The following TMEM30A variants were observed in gnomAD, a reference collection of about 807,000 sequenced individuals.
The protein encoded by TMEM30A is cell division cycle 50 P4-ATPase accessory subunit A.
Under a neutral mutation model 38.2 loss-of-function variants are expected in TMEM30A, and 24 were observed. The ratio of observed to expected loss-of-function variants is 0.63; its 90% CI spans 0.46 to 0.88. The LOEUF (loss-of-function observed/expected upper bound fraction) is 0.88, where lower values mean the gene tolerates loss of function less well. TMEM30A is among the 40% of genes least tolerant of loss of function. The pLI is 0.00. For missense variants in TMEM30A, 370 were observed against 458.6 expected, an observed-to-expected ratio of 0.81 and a Z score of 1.77; for synonymous variants, 145 against 161.6, an observed-to-expected ratio of 0.90 and a Z score of 0.78.
chr6:75,273,764 G>A (rs1008365466), intron 1 of TMEM30A, among the ~76,000 whole-genome samples: 1 of 152,178 alleles, frequency 6.6e-6, no homozygotes, highest in Non-Finnish European at 1.5e-5. Flanking sequence ...GGATATCACA[G>A]TTATACAAGT....
At chr6:75,269,463 A>G (rs1451512034) in intron 1 of TMEM30A, among the ~76,000 whole-genome samples, 1 of 152,120 alleles carries the variant, frequency 6.6e-6, no homozygotes, top group Non-Finnish European at 1.5e-5. Flanking sequence ...ATGTCTTTTC[A>G]TGGGTTCATA....
intron 1 of TMEM30A, chr6:75,272,690 T>A (rs1415334256): frequency 1.3e-5 from 2 of 152,262 alleles, no homozygotes; most frequent in East Asian, 3.9e-4. Flanking sequence ...GTCCTCTGTC[T>A]CTATGCTGAC....
chr6:75,259,356 G>T lies in TMEM30A; in HGVS notation c.676C>A (p.Arg226=), dbSNP rs772644735. The stretch of plus-strand genomic sequence containing the variant: ...ATTAGTAATGTTTTACCTTTAAATC[G>T]TTCTTCCAGGTTGTCTCCTCCAGGG... ...NPPGGDNLEE[R]FKGTTKPVNW... Residue 226 remains arginine, a synonymous_variant, in exon 5 of 7, where the codon CGA becomes AGA. Transcript: ENST00000230461. The T allele has an allele frequency of 2.5e-6, 4 of 1,609,880 alleles. No homozygotes were observed. In the South Asian group the frequency reaches 4.4e-5, roughly 18 times the overall value.
At chr6:75,260,361 G>A (rs1017567131) in intron 4 of TMEM30A, among the ~76,000 whole-genome samples, 1 of 151,754 alleles carries the variant, frequency 6.6e-6, no homozygotes, top group Non-Finnish European at 1.5e-5. Context: ...AGCCGACGTC[G>A]CGCCACTGCA....
intron 3 of TMEM30A, among the ~76,000 whole-genome samples, chr6:75,261,456 T>A (rs1771962835): frequency 6.6e-6 from 1 of 152,356 alleles, no homozygotes; most frequent in Admixed American, 6.5e-5. Context: ...TATATCAATC[T>A]TTAAACTGTG....
intron 1 of TMEM30A, among the ~76,000 whole-genome samples, chr6:75,282,597 T>A (rs1460780499): frequency 6.6e-6 from 1 of 152,192 alleles, no homozygotes; most frequent in Non-Finnish European, 1.5e-5. Context: ...AAAAGGATCT[T>A]AGTGTAGGGT....
intron 1 of TMEM30A, among the ~76,000 whole-genome samples, chr6:75,282,057 C>A (rs1772367149): frequency 6.6e-6 from 1 of 152,164 alleles, no homozygotes; most frequent in South Asian, 2.1e-4. Context: ...AAAGGCAATA[C>A]AATTTAAACA....
intron 4 of TMEM30A, among the ~76,000 whole-genome samples, chr6:75,260,379 C>T (rs369195563): frequency 9.2e-4 from 140 of 151,872 alleles, no homozygotes; most frequent in African/African-American, 3.2e-3. Context: ...GCACTCCAGC[C>T]TGGGCGACAG....
chr6:75,265,244 G>T lies in TMEM30A; in HGVS notation c.440C>A (p.Ser147Tyr). The T allele has an allele frequency of 6.3e-7, 1 of 1,598,010 alleles. No homozygotes were observed. Residue 147 changes from serine to tyrosine, a missense_variant, in exon 3 of 7, where the codon TCT becomes TAT. Coordinates refer to ENST00000230461, the MANE Select transcript of TMEM30A (RefSeq NM_018247.4). ...CATTTTACTTACAAGCAAAGCACTA[G>T]AATCTCCATTTAGTTGACTATCATC... ...SRDDSQLNGD[S>Y]SALLNPSKEC...
In TMEM30A at chr6:75,253,532, G is replaced by C. The variant is rs117512; in HGVS notation, c.*2570C>G. ...GAAGTTAAAACCTGGACTCACTGAC[G>C]CTGTGTTAAAATTTAGTGCTAAATG... On this transcript the variant is annotated 3_prime_UTR_variant, in exon 7 of 7. Transcript: ENST00000230461. The C allele has an allele frequency of 0.92, 139,951 of 152,700 alleles. 64,360 individuals are homozygous for C. Among genetic ancestry groups the C allele is most frequent in the East Asian group, 0.98 (5,106 of 5,194 alleles). The allele number at this position is 152,700 out of a possible 1,614,324, so 9.5% of individuals were successfully genotyped here. A position where few individuals can be genotyped will look rare whatever the true frequency, so the allele number is the denominator to read the frequency against.
At chr6:75,258,623 A>C (rs549702323) in intron 6 of TMEM30A, among the ~76,000 whole-genome samples, 157 bp downstream of exon 6, 1 of 152,344 alleles carries the variant, frequency 6.6e-6, no homozygotes, top group East Asian at 1.9e-4. Context: ...AGAAGACGTA[A>C]ATTTAAAAAT....
At chr6:75,269,033 A>T (rs1772119842) in intron 1 of TMEM30A, among the ~76,000 whole-genome samples, 1 of 152,154 alleles carries the variant, frequency 6.6e-6, no homozygotes, top group African/African-American at 2.4e-5. Flanking sequence ...TTCACAGCAA[A>T]ACTGAACAAA....
chr6:75,281,834 AC>A (rs917044986), intron 1 of TMEM30A, among the ~76,000 whole-genome samples: 17 of 152,180 alleles, frequency 1.1e-4, no homozygotes, highest in African/African-American at 3.6e-4. Context: ...ACTTCTCATT[AC>A]CCATTTACAA....
At chr6:75,266,353 T>C (rs963072863) in intron 2 of TMEM30A, among the ~76,000 whole-genome samples, 1 of 152,200 alleles carries the variant, frequency 6.6e-6, no homozygotes, top group Non-Finnish European at 1.5e-5. Context: ...GAAACCTTCT[T>C]GTGGAAGAGA....
At chr6:75,283,088 AATGAATTTTTAGTAAAAAACTT>A (rs1427610487) in intron 1 of TMEM30A, among the ~76,000 whole-genome samples, 1 of 152,250 alleles carries the variant, frequency 6.6e-6, no homozygotes, top group African/African-American at 2.4e-5. Flanking sequence ...TTAAATTGAG[AATGAATTTTTAGTAAAAAACTT>A]TAAAACTAGT....
chr6:75,259,289 A>T, intron 5 of TMEM30A, 58 bp downstream of exon 5: 2 of 1,523,490 alleles, frequency 1.3e-6, no homozygotes, highest in Non-Finnish European at 1.8e-6. Flanking sequence ...TAGAAAATTT[A>T]AAATACTTCA....
At chr6:75,260,717 T>C (rs1771950921) in intron 4 of TMEM30A, 107 bp downstream of exon 4, 2 of 601,656 alleles carry the variant, frequency 3.3e-6, no homozygotes, top group African/African-American at 3.8e-5. Flanking sequence ...TAGTCTTAAA[T>C]GTTTGAGTTT....
chr6:75,284,380 C>T, intron 1 of TMEM30A, 22 bp downstream of exon 1: 1 of 1,610,758 alleles, frequency 6.2e-7, no homozygotes, highest in Non-Finnish European at 8.5e-7. Flanking sequence ...CGCCAACTCC[C>T]ACCACAGCTC....
intron 1 of TMEM30A, among the ~76,000 whole-genome samples, chr6:75,278,052 T>C (rs372646358): frequency 9.4e-4 from 143 of 152,310 alleles, no homozygotes; most frequent in African/African-American, 3.2e-3. Context: ...CCTATAACTT[T>C]TTTTTTAAGT....
Sources: gnomAD v4.1 joint callset for allele counts (sites outside exome capture counted in the v4.1 genomes callset) on GRCh38, gnomAD v4.1.1 for gene constraint, MANE v1.5 for transcripts, NCBI Gene and HGNC (gene_info 2026-07-23, HGNC 2026-07-21) for gene names.